The following EML4 variants were observed in gnomAD, a reference collection of about 807,000 sequenced individuals.
The protein encoded by EML4 is EMAP like 4, also known as echinoderm microtubule-associated protein-like 4.
Under a neutral mutation model 129.0 loss-of-function variants are expected in EML4, and 72 were observed. The ratio of observed to expected loss-of-function variants is 0.56; its 90% CI spans 0.46 to 0.68. The LOEUF (loss-of-function observed/expected upper bound fraction) is 0.68. Ranked by LOEUF, EML4 falls within the 30% of genes least tolerant of loss-of-function variation. The pLI is 0.00. For synonymous variants in EML4, 532 were observed against 405.0 expected, an observed-to-expected ratio of 1.31 and a Z score of -3.77; for missense variants, 1,363 against 1,190.6, an observed-to-expected ratio of 1.14 and a Z score of -2.13.
chr2:42,304,635 A>C, intron 17 of EML4, 84 bp downstream of exon 17: 1 of 1,022,332 alleles, frequency 9.8e-7, no homozygotes, highest in Non-Finnish European at 1.6e-6. Flanking sequence ...TGATCTGGAG[A>C]ATTAATCTCT....
At chr2:42,201,690 A>G (rs533155310) in intron 1 of EML4, among the ~76,000 whole-genome samples, 1 of 152,348 alleles carries the variant, frequency 6.6e-6, no homozygotes, top group Non-Finnish European at 1.5e-5. Flanking sequence ...GGATGAACCT[A>G]GAAGACATTC....
At chr2:42,296,317 A>G (rs1486101077) in intron 13 of EML4, among the ~76,000 whole-genome samples, 1 of 152,162 alleles carries the variant, frequency 6.6e-6, no homozygotes, top group Non-Finnish European at 1.5e-5. Context: ...TAGCTAGGTC[A>G]GCCAGTCCTC....
chr2:42,242,868 A>T (rs934348068), intron 1 of EML4, among the ~76,000 whole-genome samples: 3 of 151,572 alleles, frequency 2.0e-5, no homozygotes, highest in Non-Finnish European at 2.9e-5. Context: ...CCCATCTTTG[A>T]CTGGGTTTAA....
At chr2:42,309,963 A>T (rs1020440804) in intron 17 of EML4, among the ~76,000 whole-genome samples, 1 of 152,320 alleles carries the variant, frequency 6.6e-6, no homozygotes. Flanking sequence ...TTATAGTTTT[A>T]GCTCTTACCT....
intron 1 of EML4, among the ~76,000 whole-genome samples, chr2:42,223,776 C>T (rs771235485): frequency 2.6e-5 from 4 of 152,072 alleles, no homozygotes; most frequent in Non-Finnish European, 5.9e-5. Flanking sequence ...AATAAATATG[C>T]ATAATAGTCT....
At position 42,330,735 on chromosome 2, in the gene EML4, C is replaced by G. The variant is rs878967895; in HGVS notation, c.*528C>G. ...TTAATTAAGAAAAACTTCAGTTTTG[C>G]CAAGTGCAATGGTGTTGCCTTCTTT... is the stretch of plus-strand genomic sequence containing the variant. On this transcript the variant is annotated 3_prime_UTR_variant, in exon 23 of 23. Transcript: ENST00000318522. 4.3e-6 allele frequency: 1 copy of G among 233,108 alleles called. No individual in the cohort carries two copies. The highest frequency in any genetic ancestry group is 8.6e-6 in the Non-Finnish European group (1 of 116,112). The allele number at this position is 233,108 out of a possible 1,614,324, so 14.4% of individuals were successfully genotyped here. A position where few individuals can be genotyped will look rare whatever the true frequency, so the allele number is the denominator to read the frequency against.
In EML4 at chr2:42,183,314, A is replaced by G. The variant is rs552535878; in HGVS notation, c.25+13678A>G. ...ATTATCATGAGGGGAGATAGACAAT[A>G]AAGAGTTTTAATTAAATTATTCACT... On this transcript the variant is annotated intron_variant, in intron 1 of 22. Coordinates refer to ENST00000318522, the MANE Select transcript of EML4 (RefSeq NM_019063.5). Among the ~76,000 whole-genome samples the G allele has an allele frequency of 5.9e-5, 9 of 152,330 alleles. No homozygotes were observed. In the South Asian group the frequency reaches 8.3e-4, roughly 14 times the overall value.
chr2:42,169,874 G>C (rs1485386418), intron 1 of EML4: 3 of 427,570 alleles, frequency 7.0e-6, no homozygotes, highest in African/African-American at 6.2e-5. Context: ...TTTCAGTGCG[G>C]GGCCCTCGTT....
chr2:42,225,685 C>T (rs574024752), intron 1 of EML4, among the ~76,000 whole-genome samples: 2 of 152,226 alleles, frequency 1.3e-5, no homozygotes, highest in Admixed American at 1.3e-4. Context: ...TGCCTAATTA[C>T]TAGTGAGCTT....
At chr2:42,258,716 G>A (rs1453532019) in intron 3 of EML4, among the ~76,000 whole-genome samples, 2 of 148,742 alleles carry the variant, frequency 1.3e-5, no homozygotes, top group East Asian at 2.1e-4. Context: ...GTATTTCTTA[G>A]CACCTGCTTT....
At chr2:42,232,451 T>G (rs970208308) in intron 1 of EML4, among the ~76,000 whole-genome samples, 2 of 152,170 alleles carry the variant, frequency 1.3e-5, no homozygotes, top group African/African-American at 4.8e-5. Context: ...AGCCTTACAT[T>G]TGTCTGGTGA....
At chr2:42,301,196 A>C in intron 13 of EML4, 45 bp from the exon 14 acceptor site, 1 of 1,548,578 alleles carries the variant, frequency 6.5e-7, no homozygotes, top group South Asian at 1.2e-5. Flanking sequence ...CTAAAATCTG[A>C]AGAAAAGTAT....
intron 1 of EML4, among the ~76,000 whole-genome samples, chr2:42,197,180 A>G (rs1368201239): frequency 6.6e-6 from 1 of 152,106 alleles, no homozygotes; most frequent in African/African-American, 2.4e-5. Context: ...CCCCCATCTC[A>G]GATTCCCGAG....
chr2:42,329,953 C>T lies in EML4; in HGVS notation c.2692C>T (p.Pro898Ser). 6.2e-7 allele frequency: 1 copy of T among 1,613,966 alleles called. No homozygotes were observed. The highest frequency in any genetic ancestry group is 1.3e-5 in the African/African-American group (1 of 74,966). ...TGAAAGTGTCATCCAATCTAATACT[C>T]CCACACCGCCTCCTTCTCAGCCCTT... The part of the protein sequence containing the change: ...STESVIQSNT[P>S]TPPPSQPLNE... Residue 898 changes from proline (P) to serine (S), a missense_variant, in exon 23 of 23, where the codon CCC becomes TCC. Transcript: ENST00000318522.
At chr2:42,235,752 T>G (rs923780061) in intron 1 of EML4, among the ~76,000 whole-genome samples, 5 of 152,162 alleles carry the variant, frequency 3.3e-5, no homozygotes, top group African/African-American at 1.2e-4. Context: ...ATAATTAATC[T>G]TAGAGTCATA....
intron 1 of EML4, among the ~76,000 whole-genome samples, chr2:42,195,624 A>T (rs991895604): frequency 6.6e-6 from 1 of 152,224 alleles, no homozygotes; most frequent in Non-Finnish European, 1.5e-5. Context: ...CATTTCTGAG[A>T]TACCAGCATT....
chr2:42,222,536 G>T (rs1381518973), intron 1 of EML4, among the ~76,000 whole-genome samples: 2 of 152,056 alleles, frequency 1.3e-5, no homozygotes, highest in South Asian at 4.2e-4. Context: ...TCCAGTAATT[G>T]GGACAAAGAC....
chr2:42,308,062 C>T (rs1441587788), intron 17 of EML4, among the ~76,000 whole-genome samples: 1 of 152,232 alleles, frequency 6.6e-6, no homozygotes, highest in African/African-American at 2.4e-5. Context: ...ATCTAGATAT[C>T]TTCTACTTCA....
intron 1 of EML4, among the ~76,000 whole-genome samples, chr2:42,187,205 G>A (rs1319486535): frequency 1.3e-5 from 2 of 151,632 alleles, no homozygotes; most frequent in Non-Finnish European, 2.9e-5. Context: ...CACCGTGCCC[G>A]GCTAATTTTT....
Sources: allele counts gnomAD v4.1 joint callset (sites outside exome capture counted in the v4.1 genomes callset), GRCh38; gene constraint gnomAD v4.1.1; transcripts MANE v1.5; gene names NCBI Gene and HGNC (gene_info 2026-07-23, HGNC 2026-07-21).